The following MEGF10 variants were observed in gnomAD, a reference collection of about 807,000 sequenced individuals.
MEGF10 encodes multiple epidermal growth factor-like domains protein 10.
In MEGF10, 86 loss-of-function variants were observed where a neutral mutation model predicts 147.5. That is an observed-to-expected ratio of 0.58 (90% confidence interval 0.49 to 0.70). The LOEUF is 0.70. Ranked by LOEUF, MEGF10 falls within the 30% of genes least tolerant of loss-of-function variation. The pLI, the probability that MEGF10 is intolerant of heterozygous loss-of-function variation, is 0.00. For missense variants in MEGF10, 1,329 were observed against 1,487.3 expected, an observed-to-expected ratio of 0.89 and a Z score of 1.75; for synonymous variants, 478 against 525.5, an observed-to-expected ratio of 0.91 and a Z score of 1.24.
At chr5:127,445,216 A>G in intron 19 of MEGF10, 1 of 511,458 alleles carries the variant, frequency 2.0e-6, no homozygotes, top group Admixed American at 3.4e-5. Flanking sequence ...CCGGGCACGC[A>G]TCACTGTGCC....
intron 1 of MEGF10, among the ~76,000 whole-genome samples, chr5:127,301,674 AC>A (rs1759778808): frequency 6.6e-6 from 1 of 152,196 alleles, no homozygotes; most frequent in Non-Finnish European, 1.5e-5. Context: ...TGGGCAGGCT[AC>A]TCAAGCTCTC....
At chr5:127,252,410 G>C in the MEGF10 span, among the ~76,000 whole-genome samples, 2 of 151,668 alleles carry the variant, frequency 1.3e-5, no homozygotes, top group African/African-American at 4.8e-5. Context: ...GTATGGTAAA[G>C]CCATAATGTT....
At chr5:127,409,972 CAG>C (rs756152773) in intron 8 of MEGF10, 1 of 171,540 alleles carries the variant, frequency 5.8e-6, no homozygotes, top group East Asian at 1.4e-4. Context: ...AAATTTGACA[CAG>C]AGTTTTCTCT....
intron 8 of MEGF10, among the ~76,000 whole-genome samples, chr5:127,408,335 C>T (rs998050430): frequency 3.9e-5 from 6 of 152,298 alleles, no homozygotes; most frequent in East Asian, 1.9e-4. Flanking sequence ...TTTATCTTTA[C>T]CTTTTTCCTT....
Position 127,417,768 on chromosome 5 carries a change from T to A in MEGF10, c.1261T>A (p.Cys421Ser). Residue 421 changes from cysteine (C) to serine (S), a missense_variant, in exon 10 of 25, where the codon TGT (cysteine) becomes AGT (serine). Physicochemically the swap from Cys to Ser is moderately radical, Grantham distance 112 (BLOSUM62 -1). Coordinates refer to ENST00000503335, the MANE Select transcript of MEGF10 (RefSeq NM_001256545.2). ...QICSCQNGADCDSVTGKCTCA... is the reference protein window; with the variant it reads ...QICSCQNGADSDSVTGKCTCA... Reference sequence around the variant, plus strand: ...CTGCAGCTGCCAAAATGGGGCAGACTGTGACAGTGTGACTGGAAAGTGCAC... The same window carrying A: ...CTGCAGCTGCCAAAATGGGGCAGACAGTGACAGTGTGACTGGAAAGTGCAC... 3.1e-6 allele frequency: 5 copies of A among 1,614,024 alleles called. No homozygotes were observed. Among genetic ancestry groups the A allele is most frequent in the Non-Finnish European group, 4.2e-6 (5 of 1,179,980 alleles).
At chr5:127,354,805 C>T (rs74498327) in intron 4 of MEGF10, among the ~76,000 whole-genome samples, 43 of 152,234 alleles carry the variant, frequency 2.8e-4, no homozygotes, top group African/African-American at 9.6e-4. Context: ...ATGCTTAACT[C>T]GGGATCATAT....
At chr5:127,257,379 G>A in the MEGF10 span, among the ~76,000 whole-genome samples, 1 of 151,652 alleles carries the variant, frequency 6.6e-6, no homozygotes, top group Admixed American at 6.6e-5. Context: ...GGTTCTTTGG[G>A]AAAGAAAGAG....
rs183787072 is a variant in MEGF10 at position 127,381,545 on chromosome 5, C to T, written c.412+11543C>T. On this transcript the variant is annotated intron_variant, in intron 5 of 24. Transcript: ENST00000503335. ...TGTTTCCCTCTCCTACTGTCTTGGG[C>T]TACTGCCCGATTCTAATAGAGCCAT... Among the ~76,000 whole-genome samples, 547 of 152,358 alleles carry T rather than the reference C, an allele frequency of 3.6e-3. 1 individual carries two copies. Among genetic ancestry groups the T allele is most frequent in the African/African-American group, 0.012 (516 of 41,568 alleles).
intron 5 of MEGF10, among the ~76,000 whole-genome samples, chr5:127,386,686 C>CTAAGTGTCCTTTACTA (rs1275823031): frequency 6.6e-6 from 1 of 152,136 alleles, no homozygotes; most frequent in African/African-American, 2.4e-5. Flanking sequence ...TGAAATTTTA[C>CTAAGTGTCCTTTACTA]ATTGTGAGAA....
Position 127,419,104 on chromosome 5 carries a change from A to G in MEGF10, c.1306-16A>G. 3 of 1,592,984 alleles carry G rather than the reference A, an allele frequency of 1.9e-6. No homozygotes were observed. The highest frequency in any genetic ancestry group is 1.7e-4 in the Middle Eastern group (1 of 5,960). On this transcript the variant is annotated splice_polypyrimidine_tract_variant and intron_variant, in intron 10 of 24. Coordinates refer to ENST00000503335, the MANE Select transcript of MEGF10 (RefSeq NM_001256545.2). ...TTGGCAAAATTGAATGCATTTTGCT[A>G]CTTGTGCCTGTCTAGGGAATTGACT...
At chr5:127,313,570 G>A (rs545211598) in intron 1 of MEGF10, among the ~76,000 whole-genome samples, 8 of 152,172 alleles carry the variant, frequency 5.3e-5, no homozygotes, top group African/African-American at 1.9e-4. Flanking sequence ...AACCTTTATG[G>A]CACTTCATAT....
chr5:127,372,461 A>G (rs896449799), intron 5 of MEGF10, among the ~76,000 whole-genome samples: 6 of 152,178 alleles, frequency 3.9e-5, no homozygotes, highest in African/African-American at 9.7e-5. Flanking sequence ...TTACTATTCA[A>G]TCAACTGCAG....
rs1335469944 is a variant in MEGF10 at position 127,445,614 on chromosome 5, G to T, written c.2649G>T (p.Gln883His). 1 of 1,614,098 alleles carries T rather than the reference G, an allele frequency of 6.2e-7. No homozygotes were observed. The highest frequency in any genetic ancestry group is 8.5e-7 in the Non-Finnish European group (1 of 1,180,026). Residue 883 changes from glutamine to histidine, a missense_variant, in exon 20 of 25, where the codon CAG (glutamine) becomes CAT (histidine). Physicochemically the swap from Gln to His is conservative, Grantham distance 24. This residue lies in a region of MEGF10 where 343 missense variants were observed against 377.9 expected (regional missense o/e 0.91). Coordinates refer to ENST00000503335, the MANE Select transcript of MEGF10 (RefSeq NM_001256545.2). ...TGTTCATTATTTATAGACACAAGCA[G>T]AAGGGAAAGGAATCAAGCATGCCAG... ...LALFIIYRHK[Q>H]KGKESSMPAV... is the part of the protein sequence containing the mutation.
intron 8 of MEGF10, among the ~76,000 whole-genome samples, chr5:127,403,587 C>T (rs1764212445): frequency 2.6e-5 from 4 of 151,994 alleles, no homozygotes; most frequent in Admixed American, 2.6e-4. Context: ...TCCTCCACAC[C>T]CTCCCACTAT....
intron 5 of MEGF10, among the ~76,000 whole-genome samples, chr5:127,375,806 A>G (rs1763003588): frequency 6.6e-6 from 1 of 152,264 alleles, no homozygotes; most frequent in South Asian, 2.1e-4. Context: ...GGAGCACAGT[A>G]AAACTTCCAT....
intron 23 of MEGF10, among the ~76,000 whole-genome samples, chr5:127,454,903 G>A (rs774897285): frequency 6.6e-6 from 1 of 152,180 alleles, no homozygotes; most frequent in Non-Finnish European, 1.5e-5. Context: ...ACATATAAAG[G>A]GAAATAGCCG....
At chr5:127,447,247 C>T (rs892480948) in intron 20 of MEGF10, among the ~76,000 whole-genome samples, 2 of 152,114 alleles carry the variant, frequency 1.3e-5, no homozygotes, top group African/African-American at 2.4e-5. Flanking sequence ...GCGATCTCGG[C>T]TCACTGTAAC....
chr5:127,287,715 C>A (rs898935700), upstream of MEGF10, among the ~76,000 whole-genome samples: 3 of 151,594 alleles, frequency 2.0e-5, no homozygotes, highest in African/African-American at 4.8e-5. Flanking sequence ...AAAACATTGA[C>A]AAGCAAATTC....
At chr5:127,259,770 G>T in the MEGF10 span, among the ~76,000 whole-genome samples, 1 of 152,146 alleles carries the variant, frequency 6.6e-6, no homozygotes, top group African/African-American at 2.4e-5. Context: ...CCGTGTCATG[G>T]TATTTCAGGG....
Sources: allele counts gnomAD v4.1 joint callset (sites outside exome capture counted in the v4.1 genomes callset), GRCh38; gene constraint gnomAD v4.1.1; regional missense constraint gnomAD v4.1.1; transcripts MANE v1.5; gene names NCBI Gene and HGNC (gene_info 2026-07-23, HGNC 2026-07-21).